Variants in ANKS1B observed in about 807,000 individuals in gnomAD.
The protein encoded by ANKS1B is ankyrin repeat and sterile alpha motif domain containing 1B.
Under a neutral mutation model 148.3 loss-of-function variants are expected in ANKS1B, and 36 were observed. That is an observed-to-expected ratio of 0.24 (90% CI 0.19 to 0.32). The LOEUF is 0.32. ANKS1B is among the 10% of genes least tolerant of loss of function. ANKS1B has a pLI of 1.00. For missense variants in ANKS1B, 1,157 were observed against 1,542.6 expected (o/e 0.75, Z 4.19); for synonymous variants, 542 against 560.8 (o/e 0.97, Z 0.47).
intron 1 of ANKS1B, among the ~76,000 whole-genome samples, chr12:99,943,841 G>A (rs1161930299): frequency 6.6e-6 from 1 of 151,900 alleles, no homozygotes; most frequent in Non-Finnish European, 1.5e-5. Context: ...TAAGTTCTGG[G>A]ATACATGTGC....
chr12:99,450,850 C>T, intron 10 of ANKS1B, among the ~76,000 whole-genome samples: 1 of 152,150 alleles, frequency 6.6e-6, no homozygotes, highest in East Asian at 1.9e-4. Flanking sequence ...GAAAGCTGGT[C>T]TGGCTTTTAT....
At position 99,301,824 on chromosome 12, in the gene ANKS1B, T is replaced by TA. The variant is rs562634744; in HGVS notation, c.1757-54961dup. Among the ~76,000 whole-genome samples, 645 of 152,178 alleles carry TA rather than the reference T, an allele frequency of 4.2e-3. 6 individuals are homozygous for TA. Among genetic ancestry groups the TA allele is most frequent in the African/African-American group, 0.015 (616 of 41,546 alleles). The stretch of plus-strand genomic sequence containing the variant: ...GTATAAAAAAGTACACAGTGTTATA[T>TA]AAAAAAAGGCATAAAGCAACGGTAA... On this transcript the variant is annotated intron_variant, in intron 12 of 26. Coordinates refer to ENST00000683438, the MANE Select transcript of ANKS1B (RefSeq NM_001352186.2).
At chr12:99,245,515 A>G (rs1436235754) in intron 13 of ANKS1B, among the ~76,000 whole-genome samples, 1 of 152,224 alleles carries the variant, frequency 6.6e-6, no homozygotes, top group Non-Finnish European at 1.5e-5. Flanking sequence ...AAACAGATGC[A>G]GAGATATTAA....
At chr12:99,672,915 G>C (rs923120208) in intron 8 of ANKS1B, among the ~76,000 whole-genome samples, 1 of 152,028 alleles carries the variant, frequency 6.6e-6, no homozygotes. Flanking sequence ...CAATAAAACT[G>C]GTTGAAATAA....
chr12:99,107,236 CGTG>C (rs2059415765), intron 15 of ANKS1B, among the ~76,000 whole-genome samples: 1 of 152,086 alleles, frequency 6.6e-6, no homozygotes, highest in Non-Finnish European at 1.5e-5. Context: ...CACTTTTACA[CGTG>C]CCTCTAAGAG....
At chr12:99,332,476 G>A (rs879819137) in intron 12 of ANKS1B, among the ~76,000 whole-genome samples, 1 of 151,874 alleles carries the variant, frequency 6.6e-6, no homozygotes, top group Non-Finnish European at 1.5e-5. Flanking sequence ...GAGGTGTCAG[G>A]GCTAGAAGGA....
chr12:98,855,471 G>T (rs1020445582), intron 17 of ANKS1B, among the ~76,000 whole-genome samples: 5 of 152,134 alleles, frequency 3.3e-5, no homozygotes, highest in African/African-American at 9.7e-5. Flanking sequence ...GAAAATAGAA[G>T]CATATTCGGA....
chr12:99,769,383 C>A (rs1191999434), intron 8 of ANKS1B, among the ~76,000 whole-genome samples: 1 of 152,094 alleles, frequency 6.6e-6, no homozygotes, highest in African/African-American at 2.4e-5. Flanking sequence ...TTTTTTAGAG[C>A]CTCTCTAGGT....
At position 98,745,715 on chromosome 12, in the gene ANKS1B, G is replaced by A; in HGVS notation, c.*24C>T. On this transcript the variant is annotated 3_prime_UTR_variant, in exon 27 of 27. Transcript: ENST00000683438. ...GGGACCGCTTGGCGAGCAAGGCACC[G>A]CGAGGACAGGAGGACGGCGAGTATC... The A allele has an allele frequency of 6.2e-7, 1 of 1,611,488 alleles. No homozygotes were observed. The highest frequency in any genetic ancestry group is 8.5e-7 in the Non-Finnish European group (1 of 1,178,684).
intron 1 of ANKS1B, among the ~76,000 whole-genome samples, chr12:99,851,984 C>T (rs2087943774): frequency 6.6e-6 from 1 of 152,130 alleles, no homozygotes; most frequent in South Asian, 2.1e-4. Flanking sequence ...TACATGCATG[C>T]CTGTGGTTGA....
intron 10 of ANKS1B, among the ~76,000 whole-genome samples, chr12:99,454,423 C>A (rs1312895860): frequency 6.6e-6 from 1 of 151,604 alleles, no homozygotes; most frequent in African/African-American, 2.4e-5. Context: ...CAGCTTCAAG[C>A]CAATAAGAAC....
intron 9 of ANKS1B, among the ~76,000 whole-genome samples, chr12:99,579,280 T>C (rs1044841525): frequency 3.2e-4 from 49 of 152,138 alleles, no homozygotes; most frequent in African/African-American, 1.1e-3. Context: ...ATTTTGGACA[T>C]AGGTCTGGGC....
intron 9 of ANKS1B, among the ~76,000 whole-genome samples, chr12:99,651,237 C>T (rs528004508): frequency 6.6e-6 from 1 of 152,020 alleles, no homozygotes; most frequent in African/African-American, 2.4e-5. Context: ...AAAATGGTTT[C>T]AAAATATGAA....
At chr12:99,537,683 A>C (rs2097085668) in intron 9 of ANKS1B, among the ~76,000 whole-genome samples, 1 of 152,118 alleles carries the variant, frequency 6.6e-6, no homozygotes, top group East Asian at 1.9e-4. Flanking sequence ...GTAGTTTGCA[A>C]ATATTTTCTT....
At chr12:99,098,306 C>T (rs1032895349) in intron 15 of ANKS1B, among the ~76,000 whole-genome samples, 1 of 152,138 alleles carries the variant, frequency 6.6e-6, no homozygotes, top group Admixed American at 6.6e-5. Flanking sequence ...ATGGAATTGC[C>T]TCAGAGATCT....
At chr12:99,393,569 TGTTGTACTGATTTAATTGCA>T (rs1318734392) in intron 12 of ANKS1B, among the ~76,000 whole-genome samples, 15 of 152,350 alleles carry the variant, frequency 9.8e-5, no homozygotes, top group African/African-American at 3.1e-4. Flanking sequence ...TCCAGGAAAT[TGTTGTACTGATTTAATTGCA>T]GTATTTAAGA....
At chr12:99,098,522 C>T (rs571135999) in intron 15 of ANKS1B, among the ~76,000 whole-genome samples, 4 of 146,728 alleles carry the variant, frequency 2.7e-5, no homozygotes, top group African/African-American at 1.0e-4. Context: ...AACACTAATG[C>T]TTATCTTTTA....
chr12:99,171,422 T>C (rs542163395), intron 14 of ANKS1B, among the ~76,000 whole-genome samples: 2 of 152,252 alleles, frequency 1.3e-5, no homozygotes, highest in East Asian at 1.9e-4. Flanking sequence ...ATTCCAAGAA[T>C]TGGGGAATGC....
At chr12:98,937,743 A>G (rs138464483) in intron 17 of ANKS1B, among the ~76,000 whole-genome samples, 1 of 151,880 alleles carries the variant, frequency 6.6e-6, no homozygotes, top group Non-Finnish European at 1.5e-5. Flanking sequence ...GTATTACTCT[A>G]CACTGCTATA....
Sources: gnomAD v4.1 joint callset for allele counts (sites outside exome capture counted in the v4.1 genomes callset) on GRCh38, gnomAD v4.1.1 for gene constraint, MANE v1.5 for transcripts, NCBI Gene and HGNC (gene_info 2026-07-23, HGNC 2026-07-21) for gene names.